SEMA6D: variants seen among roughly 807,000 people sequenced by gnomAD.
SEMA6D encodes semaphorin 6D.
A neutral mutation model predicts 106.6 loss-of-function variants in SEMA6D; 35 were observed. The observed-to-expected ratio is 0.33, with a 90% CI of 0.25 to 0.44. The LOEUF (loss-of-function observed/expected upper bound fraction) is 0.44, where lower values mean the gene tolerates loss of function less well. Among genes scored for constraint, SEMA6D ranks in the 20% least tolerant of loss-of-function variants. SEMA6D has a pLI of 1.00. For missense variants in SEMA6D, 1,185 were observed against 1,345.9 expected (o/e 0.88, Z 1.87); for synonymous variants, 499 against 487.7 (o/e 1.02, Z -0.31).
chr15:47,515,064 T>C (rs1181737421), intron 3 of SEMA6D, among the ~76,000 whole-genome samples: 1 of 152,220 alleles, frequency 6.6e-6, no homozygotes, highest in Non-Finnish European at 1.5e-5. Context: ...AGCGTTCACA[T>C]TGGCCTCCCA....
rs114515892 is a variant in SEMA6D, at chr15:47,596,654, C to G, written c.-86-4211C>G. Among the ~76,000 whole-genome samples, 853 of 152,112 alleles carry G rather than the reference C, an allele frequency of 5.6e-3. 8 individuals carry two copies. The highest frequency in any genetic ancestry group is 0.02 in the African/African-American group (816 of 41,528). ...ACATCAATGGTCTATTAATTTTTAA[C>G]AAAAGTGCCAAGAACACAATCAGTA... On this transcript the variant is annotated intron_variant, in intron 3 of 19. Coordinates refer to the SEMA6D transcript ENST00000558014.
Position 47,663,989 on chromosome 15 carries a change from G to A in SEMA6D, c.-55+63093G>A, listed in dbSNP as rs188313472. 7.2e-5 allele frequency among the ~76,000 whole-genome samples: 11 copies of A among 152,214 alleles called. No homozygotes were observed. In the East Asian group the frequency reaches 1.9e-3, roughly 27 times the overall value. On this transcript the variant is annotated intron_variant, in intron 4 of 19. Coordinates refer to the SEMA6D transcript ENST00000558014. Reference sequence around the variant, plus strand: ...TCTTGTTTTACTACCAGACTTCATCGAACTTTTTCATTTTGATGAAGTAGA... The same window carrying A: ...TCTTGTTTTACTACCAGACTTCATCAAACTTTTTCATTTTGATGAAGTAGA...
chr15:47,618,689 A>G (rs2077048497), intron 4 of SEMA6D, among the ~76,000 whole-genome samples: 1 of 152,236 alleles, frequency 6.6e-6, no homozygotes. Flanking sequence ...AAAAAGAGGA[A>G]CATAATGGAA....
chr15:47,344,059 G>A (rs963043611), intron 1 of SEMA6D, among the ~76,000 whole-genome samples: 3 of 152,086 alleles, frequency 2.0e-5, no homozygotes, highest in African/African-American at 2.4e-5. Context: ...TTAGAATGGC[G>A]ATCATTAAAA....
chr15:47,291,300 G>T (rs913460298), intron 1 of SEMA6D, among the ~76,000 whole-genome samples: 1 of 152,176 alleles, frequency 6.6e-6, no homozygotes, highest in Non-Finnish European at 1.5e-5. Flanking sequence ...GTTGTAACTG[G>T]AGAAGAAACT....
At chr15:47,279,092 T>C (rs1384808264) in intron 1 of SEMA6D, among the ~76,000 whole-genome samples, 1 of 2,728 alleles carries the variant, frequency 3.7e-4, no homozygotes, top group African/African-American at 3.9e-4. Flanking sequence ...GACTTGGCGA[T>C]GCGCGCTCTT....
At chr15:47,226,692 T>A in intron 1 of SEMA6D, among the ~76,000 whole-genome samples, 1 of 152,032 alleles carries the variant, frequency 6.6e-6, no homozygotes, top group East Asian at 1.9e-4. Flanking sequence ...AAAGAACTTG[T>A]GAATAGTAAA....
intron 3 of SEMA6D, among the ~76,000 whole-genome samples, chr15:47,487,800 T>G (rs1265623091): frequency 6.6e-6 from 1 of 152,244 alleles, no homozygotes; most frequent in Non-Finnish European, 1.5e-5. Context: ...TTCCCTGGTG[T>G]TGTTATCTAC....
At chr15:47,432,584 G>GCTATATGCATATGTATATACATATACAC (rs1567075709) in intron 2 of SEMA6D, among the ~76,000 whole-genome samples, 1 of 149,922 alleles carries the variant, frequency 6.7e-6, no homozygotes, top group Non-Finnish European at 1.5e-5. Context: ...TACATATACA[G>GCTATATGCATATGTATATACATATACAC]CTATATGCAT....
chr15:47,431,182 A>G (rs775156673), intron 2 of SEMA6D, among the ~76,000 whole-genome samples: 1 of 152,288 alleles, frequency 6.6e-6, no homozygotes, highest in East Asian at 1.9e-4. Flanking sequence ...ATTTGTATGC[A>G]AGGTATATAA....
intron 1 of SEMA6D, among the ~76,000 whole-genome samples, chr15:47,220,084 T>C (rs921764): frequency 0.47 from 70,720 of 152,034 alleles, 19,160 homozygotes; most frequent in East Asian, 0.83. Flanking sequence ...ATGAGCACAC[T>C]GTCACCTCCA....
At chr15:47,618,039 A>G (rs1268498112) in intron 4 of SEMA6D, among the ~76,000 whole-genome samples, 1 of 152,168 alleles carries the variant, frequency 6.6e-6, no homozygotes, top group African/African-American at 2.4e-5. Context: ...AACACAGAAG[A>G]CAGTTCAGAG....
At chr15:47,319,584 C>T (rs1184778588) in intron 1 of SEMA6D, among the ~76,000 whole-genome samples, 1 of 152,024 alleles carries the variant, frequency 6.6e-6, no homozygotes, top group African/African-American at 2.4e-5. Context: ...GTGGAATAGC[C>T]AGAGTGTGCC....
At chr15:47,356,569 G>GA (rs5812382) in intron 1 of SEMA6D, among the ~76,000 whole-genome samples, 69 of 144,476 alleles carry the variant, frequency 4.8e-4, no homozygotes, top group African/African-American at 9.6e-4. Flanking sequence ...AAGAGAGAGC[G>GA]AAAAAAAAAA....
intron 2 of SEMA6D, among the ~76,000 whole-genome samples, chr15:47,428,052 A>G (rs2041401182): frequency 6.6e-6 from 1 of 152,168 alleles, no homozygotes; most frequent in African/African-American, 2.4e-5. Context: ...TAGGTGTTTC[A>G]TCATGTTATG....
At chr15:47,737,648 G>A (rs1179056273) in intron 1 of SEMA6D, among the ~76,000 whole-genome samples, 1 of 151,994 alleles carries the variant, frequency 6.6e-6, no homozygotes, top group Non-Finnish European at 1.5e-5. Context: ...TATTTCATGA[G>A]GCTAGTGTAA....
intron 1 of SEMA6D, among the ~76,000 whole-genome samples, chr15:47,267,845 T>G (rs995033369): frequency 3.3e-5 from 5 of 152,200 alleles, no homozygotes; most frequent in African/African-American, 7.2e-5. Context: ...ACAGGTGGAT[T>G]ATTTGACTGC....
chr15:47,669,048 A>G (rs2078088311), intron 4 of SEMA6D, among the ~76,000 whole-genome samples: 3 of 152,076 alleles, frequency 2.0e-5, no homozygotes, highest in African/African-American at 7.2e-5. Flanking sequence ...GTTTGGCTTT[A>G]TCTCTATTTT....
intron 1 of SEMA6D, among the ~76,000 whole-genome samples, chr15:47,230,511 C>T (rs1234666471): frequency 6.6e-6 from 1 of 152,020 alleles, no homozygotes; most frequent in Non-Finnish European, 1.5e-5. Context: ...CAGTACCTAA[C>T]ACAAGTGGTA....
Sources: gnomAD v4.1 joint callset for allele counts (sites outside exome capture counted in the v4.1 genomes callset) on GRCh38, gnomAD v4.1.1 for gene constraint, MANE v1.5 for transcripts, NCBI Gene and HGNC (gene_info 2026-07-23, HGNC 2026-07-21) for gene names.